The following HPCAL4 variants were observed in gnomAD, a reference collection of about 807,000 sequenced individuals.
The protein encoded by HPCAL4 is hippocalcin-like protein 4.
HPCAL4 carries 16 observed loss-of-function variants against 18.2 expected under a neutral mutation model. That is an observed-to-expected ratio of 0.88 (90% CI 0.59 to 1.33). HPCAL4 has a LOEUF of 1.33. Among genes scored for constraint, HPCAL4 ranks in the 40% most tolerant of loss-of-function variants. The pLI, the probability that HPCAL4 is intolerant of heterozygous loss-of-function variation, is 0.00. For synonymous variants in HPCAL4, 80 were observed against 97.5 expected, an observed-to-expected ratio of 0.82 and a Z score of 1.06; for missense variants, 214 against 256.6, an observed-to-expected ratio of 0.83 and a Z score of 1.14.
chr1:39,683,940 G>T lies in HPCAL4; in HGVS notation c.375C>A (p.Ile125=). 1.2e-6 allele frequency: 2 copies of T among 1,613,100 alleles called. No individual in the cohort carries two copies. The highest frequency in any genetic ancestry group is 8.5e-7 in the Non-Finnish European group (1 of 1,179,596). The change falls in exon 3 of 4, where the codon ATC becomes ATA. Residue 125 remains isoleucine, a synonymous_variant. Transcript: ENST00000372844. Reference sequence around the variant, plus strand: ...CAGCGCCCGCGCGGCCCCGCACCTCGATGATCTCCAGCATCTCCAGGCGCG... The same window carrying T: ...CAGCGCCCGCGCGGCCCCGCACCTCTATGATCTCCAGCATCTCCAGGCGCG... ...RITRLEMLEI[I]EAIYKMVGTV...
chr1:39,685,914 G>A (rs1366566352), intron 1 of HPCAL4, among the ~76,000 whole-genome samples: 1 of 149,460 alleles, frequency 6.7e-6, no homozygotes. Flanking sequence ...GGGCGCAGTG[G>A]CTCACGCCTG....
Position 39,682,403 on chromosome 1 carries a change from C to T in HPCAL4, c.*133G>A. The T allele has an allele frequency of 1.3e-6, 1 of 746,776 alleles. No individual in the cohort carries two copies. The highest frequency in any genetic ancestry group is 2.2e-6 in the Non-Finnish European group (1 of 447,900). 46.3% of individuals were successfully genotyped at this position (746,776 alleles called of 1,614,324 possible). A position where few individuals can be genotyped will look rare whatever the true frequency, so the allele number is the denominator to read the frequency against. ...AGATCTTGATGGAGGGGAGGAAGGGCTTGGGCAGAGGACTGGGTGGGCCAG... is the reference window on the plus strand; with the variant it reads ...AGATCTTGATGGAGGGGAGGAAGGGTTTGGGCAGAGGACTGGGTGGGCCAG... On this transcript the variant is annotated 3_prime_UTR_variant, in exon 4 of 4. Transcript: ENST00000372844.
At chr1:39,684,394 C>T in intron 2 of HPCAL4, 48 bp downstream of exon 2, 1 of 1,548,770 alleles carries the variant, frequency 6.5e-7, no homozygotes, top group Non-Finnish European at 8.7e-7. Flanking sequence ...TCCTCGCCTC[C>T]CCCAACCCGG....
chr1:39,685,008 G>C (rs564698461), intron 1 of HPCAL4, among the ~76,000 whole-genome samples: 1 of 152,330 alleles, frequency 6.6e-6, no homozygotes, highest in East Asian at 1.9e-4. Flanking sequence ...CCCAAGGTAG[G>C]TTCCTTGTGT....
chr1:39,679,926 G>A lies in HPCAL4; in HGVS notation c.*2610C>T. ...TAATCAAACACGCCTTCATGGGTAG[G>A]CATGTTTCTCTTAGTGAAGATGATG... On this transcript the variant is annotated 3_prime_UTR_variant, in exon 4 of 4. Transcript: ENST00000372844. The A allele has an allele frequency of 6.5e-6, 1 of 152,716 alleles. No individual in the cohort carries two copies. Among genetic ancestry groups the A allele is most frequent in the Non-Finnish European group, 1.5e-5 (1 of 68,054 alleles). The allele number at this position is 152,716 out of a possible 1,614,324, so 9.5% of individuals were successfully genotyped here. A position where few individuals can be genotyped will look rare whatever the true frequency, so the allele number is the denominator to read the frequency against.
chr1:39,684,646 G>C, intron 1 of HPCAL4, 35 bp from the exon 2 acceptor site: 1 of 1,522,656 alleles, frequency 6.6e-7, no homozygotes, highest in Non-Finnish European at 8.8e-7. Context: ...ACTGGGTCCA[G>C]GGAAAGGCCC....
intron 3 of HPCAL4, among the ~76,000 whole-genome samples, chr1:39,683,073 G>A (rs1260143064): frequency 1.3e-5 from 2 of 152,014 alleles, no homozygotes; most frequent in African/African-American, 4.8e-5. Context: ...TAGTAGAGAC[G>A]GGGTTTCACC....
intron 3 of HPCAL4, 80 bp from the exon 4 acceptor site, chr1:39,682,813 A>T: frequency 9.1e-7 from 1 of 1,103,808 alleles, no homozygotes; most frequent in Non-Finnish European, 1.4e-6. Context: ...GGGATCTGGC[A>T]GGGAGAACAC....
In HPCAL4 at chr1:39,684,084, G is replaced by T. The variant is rs763970544; in HGVS notation, c.231C>A (p.Asp77Glu). The T allele has an allele frequency of 6.2e-7, 1 of 1,613,988 alleles. No homozygotes were observed. Among genetic ancestry groups the T allele is most frequent in the Non-Finnish European group, 8.5e-7 (1 of 1,179,894 alleles). Residue 77 changes from aspartate (D) to glutamate (E), a missense_variant, in exon 3 of 4, where the codon GAC becomes GAA. Physicochemically the swap from Asp to Glu is conservative, Grantham distance 45 (BLOSUM62 2). Transcript: ENST00000372844. ...HAFRTFDKNG[D>E]GTIDFREFIC... ...TGAACTCCCGGAAGTCGATGGTGCC[G>T]TCGCCGTTCTTGTCGAAGGTGCGGA...
chr1:39,685,754 C>T (rs12403162), intron 1 of HPCAL4, among the ~76,000 whole-genome samples: 20,892 of 151,668 alleles, frequency 0.14, 1,590 homozygotes, highest in East Asian at 0.21. Flanking sequence ...GTGGCAGGCG[C>T]CTGTAGTCCC....
chr1:39,685,275 A>G (rs1439512926), intron 1 of HPCAL4, among the ~76,000 whole-genome samples: 1 of 152,218 alleles, frequency 6.6e-6, no homozygotes, highest in Non-Finnish European at 1.5e-5. Flanking sequence ...GTTGGTTACA[A>G]AGGGCCTCCA....
At position 39,680,395 on chromosome 1, in the gene HPCAL4, C is replaced by T. The variant is rs1258711027; in HGVS notation, c.*2141G>A. 1 of 152,172 alleles carries T rather than the reference C, an allele frequency of 6.6e-6. No individual in the cohort carries two copies. The highest frequency in any genetic ancestry group is 1.5e-5 in the Non-Finnish European group (1 of 68,026). The allele number at this position is 152,172 out of a possible 1,614,324, so 9.4% of individuals were successfully genotyped here. On this transcript the variant is annotated 3_prime_UTR_variant, in exon 4 of 4. Coordinates refer to ENST00000372844, the MANE Select transcript of HPCAL4 (RefSeq NM_016257.4). ...GTATAGAATGAGATGGGGCACATGG[C>T]AAGCCTTTGAAAGCCATGAAATTCT...
chr1:39,690,696 G>A (rs186751793), intron 1 of HPCAL4, among the ~76,000 whole-genome samples: 52 of 152,130 alleles, frequency 3.4e-4, no homozygotes, highest in Non-Finnish European at 1.3e-4. Flanking sequence ...GAGGGCTGTC[G>A]AGACTGTGAG....
intron 1 of HPCAL4, among the ~76,000 whole-genome samples, chr1:39,688,923 T>A (rs1646697542): frequency 6.6e-6 from 1 of 152,222 alleles, no homozygotes; most frequent in Non-Finnish European, 1.5e-5. Flanking sequence ...ACTTTGGGCA[T>A]GAGTCAGTCC....
chr1:39,682,843 T>C, intron 3 of HPCAL4, 110 bp from the exon 4 acceptor site: 1 of 777,866 alleles, frequency 1.3e-6, no homozygotes, highest in Admixed American at 2.0e-5. Context: ...GTGAGGATAC[T>C]GGAAGGTATA....
chr1:39,690,374 G>A (rs181285170), intron 1 of HPCAL4, among the ~76,000 whole-genome samples: 1 of 152,202 alleles, frequency 6.6e-6, no homozygotes, highest in Non-Finnish European at 1.5e-5. Flanking sequence ...CTGCCCTCCA[G>A]GTATAGTTCA....
In HPCAL4 at chr1:39,680,566, A is replaced by G. The variant is rs1646616170; in HGVS notation, c.*1970T>C. ...GTGATGCTGACTGACCGCACAAGAC[A>G]TACCTAATAGCCAGTTCCTGGGAGC... is the stretch of plus-strand genomic sequence containing the variant. On this transcript the variant is annotated 3_prime_UTR_variant, in exon 4 of 4. Coordinates refer to ENST00000372844, the MANE Select transcript of HPCAL4 (RefSeq NM_016257.4). 6.6e-6 allele frequency: 1 copy of G among 152,180 alleles called. No homozygotes were observed. The allele number at this position is 152,180 out of a possible 1,614,324, so 9.4% of individuals were successfully genotyped here.
intron 1 of HPCAL4, among the ~76,000 whole-genome samples, chr1:39,690,271 G>C (rs1557756594): frequency 6.6e-6 from 1 of 152,266 alleles, no homozygotes; most frequent in East Asian, 1.9e-4. Flanking sequence ...TACCCTCTCT[G>C]TTATACCTCT....
intron 1 of HPCAL4, among the ~76,000 whole-genome samples, chr1:39,687,400 C>G (rs1026384497): frequency 1.3e-5 from 2 of 152,220 alleles, no homozygotes; most frequent in African/African-American, 4.8e-5. Context: ...GAGGCACAGC[C>G]TCTCCAGCTG....
Sources: allele counts gnomAD v4.1 joint callset (sites outside exome capture counted in the v4.1 genomes callset), GRCh38; gene constraint gnomAD v4.1.1; transcripts MANE v1.5; gene names NCBI Gene and HGNC (gene_info 2026-07-23, HGNC 2026-07-21).